Variants in CLEC20A observed in about 807,000 individuals in gnomAD.
The protein encoded by CLEC20A is putative C-type lectin domain family 20 member A.
intron 1 of CLEC20A, among the ~76,000 whole-genome samples, chr1:178,495,133 C>T (rs1198435077): frequency 1.3e-5 from 2 of 152,240 alleles, no homozygotes; most frequent in African/African-American, 4.8e-5. Flanking sequence ...AGGTGCCTTT[C>T]CTACATGCTG....
upstream of CLEC20A, chr1:178,497,192 G>C: frequency 2.6e-6 from 1 of 385,056 alleles, no homozygotes; most frequent in Non-Finnish European, 4.6e-6. Context: ...CCTGTGTGGG[G>C]GTTCAGAAAA....
At chr1:178,492,192 G>A (rs1291730352) in intron 3 of CLEC20A, among the ~76,000 whole-genome samples, 2 of 152,210 alleles carry the variant, frequency 1.3e-5, no homozygotes, top group African/African-American at 4.8e-5. Flanking sequence ...GGCTGAGGCA[G>A]GAGGATCAGC....
At chr1:178,498,332 C>T (rs565311594), upstream of CLEC20A, among the ~76,000 whole-genome samples, 22 of 152,220 alleles carry the variant, frequency 1.4e-4, no homozygotes, top group African/African-American at 4.1e-4. Flanking sequence ...TGGCATGCAC[C>T]TATAGCCCCA....
exon 2 of CLEC20A, chr1:178,494,529 G>A: frequency 2.5e-6 from 1 of 399,608 alleles, no homozygotes; most frequent in Non-Finnish European, 4.4e-6. Context: ...CAAGTGTACA[G>A]CGTGGCACAG....
intron 5 of CLEC20A, among the ~76,000 whole-genome samples, chr1:178,485,252 C>G (rs908538288): frequency 1.3e-5 from 2 of 152,218 alleles, no homozygotes; most frequent in African/African-American, 4.8e-5. Context: ...CTGGAAACTA[C>G]AGATCTGAGC....
intron 5 of CLEC20A, among the ~76,000 whole-genome samples, chr1:178,487,234 C>T (rs1019137086): frequency 3.3e-5 from 5 of 152,218 alleles, no homozygotes; most frequent in Non-Finnish European, 7.4e-5. Flanking sequence ...CCCAATAGCG[C>T]GGCCCAGGTG....
chr1:178,493,779 C>G (rs1447051182), intron 2 of CLEC20A: 3 of 152,268 alleles, frequency 2.0e-5, no homozygotes, highest in Non-Finnish European at 2.9e-5. Flanking sequence ...GAGAAGAAGA[C>G]AGTGAATTCT....
rs1354815129 is a variant in CLEC20A, at chr1:178,494,410, C to T, written c.397+44G>A. The stretch of plus-strand genomic sequence containing the variant: ...CTCCAGCCTGGGCAACAGAGTGAGG[C>T]CCCTGGGGGAAAGACCAAGCCTGAA... On this transcript the variant is annotated intron_variant, in intron 2 of 7. Transcript: ENST00000623247. 3 of 399,702 alleles carry T rather than the reference C, an allele frequency of 7.5e-6. No homozygotes were observed. The East Asian group carries it at 1.1e-4, about 14-fold the overall frequency. The allele number at this position is 399,702 out of a possible 1,614,324, so 24.8% of individuals were successfully genotyped here. A position where few individuals can be genotyped will look rare whatever the true frequency, so the allele number is the denominator to read the frequency against.
At chr1:178,494,626 T>G (rs1649342670) in exon 2 of CLEC20A, 1 of 399,260 alleles carries the variant, frequency 2.5e-6, no homozygotes, top group Admixed American at 4.4e-5. Context: ...CAGAAGTGCT[T>G]GCGTCGAAGA....
At position 178,479,465 on chromosome 1, in the gene CLEC20A, A is replaced by T. The variant is rs553994912; in HGVS notation, c.*70T>A. ...TCCTAATCTTGTTCTACTAGGGATT[A>T]AAAAATTAAAATTTACTCAAAATCC... On this transcript the variant is annotated 3_prime_UTR_variant, in exon 8 of 8. Transcript: ENST00000623247. The T allele has an allele frequency of 4.3e-4, 171 of 397,088 alleles. 1 individual carries two copies. In the South Asian group the frequency reaches 0.02, roughly 47 times the overall value. The allele number at this position is 397,088 out of a possible 1,614,324, so 24.6% of individuals were successfully genotyped here.
intron 3 of CLEC20A, among the ~76,000 whole-genome samples, 162 bp downstream of exon 3, chr1:178,492,339 C>A (rs1649285433): frequency 6.6e-6 from 1 of 151,844 alleles, no homozygotes; most frequent in Admixed American, 6.6e-5. Context: ...GGGGTTCAGC[C>A]AGGGGGCAGC....
intron 3 of CLEC20A, among the ~76,000 whole-genome samples, chr1:178,492,063 C>A (rs1649277056): frequency 6.6e-6 from 1 of 152,066 alleles, no homozygotes; most frequent in Admixed American, 6.5e-5. Flanking sequence ...GCAGGTGGAT[C>A]ACTAGAGCCC....
chr1:178,497,026 G>A (rs769049151), upstream of CLEC20A: 2 of 398,880 alleles, frequency 5.0e-6, no homozygotes, highest in Non-Finnish European at 4.4e-6. Context: ...AAGAGGCTGC[G>A]TCTGACCTTC....
intron 7 of CLEC20A, chr1:178,481,954 C>G (rs2102995802): frequency 5.5e-6 from 1 of 183,298 alleles, no homozygotes; most frequent in Admixed American, 6.2e-5. Context: ...ATTCTTATTT[C>G]AGGAGGAAAC....
chr1:178,479,740 C>T (rs1572153390), intron 7 of CLEC20A, 125 bp from the exon 8 acceptor site: 1 of 392,316 alleles, frequency 2.5e-6, no homozygotes, highest in Non-Finnish European at 4.5e-6. Context: ...TTTAGCCTCC[C>T]TCCAGCTGCC....
At chr1:178,483,331 A>G (rs1209900234) in intron 5 of CLEC20A, 49 bp from the exon 6 acceptor site, 2 of 398,326 alleles carry the variant, frequency 5.0e-6, no homozygotes, top group Non-Finnish European at 8.9e-6. Context: ...ACCAGGAGTA[A>G]GGTGGCCTGA....
downstream of CLEC20A, chr1:178,478,831 ATAAACT>A (rs1648854177): frequency 1.3e-5 from 2 of 152,244 alleles, no homozygotes; most frequent in African/African-American, 4.8e-5. Context: ...AAGAATACAA[ATAAACT>A]TTAACTTTAA....
At chr1:178,482,194 T>G (rs1416697188) in intron 7 of CLEC20A, 118 bp downstream of exon 7, 2 of 396,818 alleles carry the variant, frequency 5.0e-6, no homozygotes, top group African/African-American at 4.1e-5. Context: ...GTGATGGCAG[T>G]GGAACAAGAT....
intron 5 of CLEC20A, 199 bp from the exon 6 acceptor site, chr1:178,483,481 C>CT (rs1201019949): frequency 2.6e-6 from 1 of 383,380 alleles, no homozygotes; most frequent in Non-Finnish European, 4.6e-6. Flanking sequence ...TAACCCAGCA[C>CT]TTGAGTTGCT....
Sources: gnomAD v4.1 joint callset for allele counts (sites outside exome capture counted in the v4.1 genomes callset) on GRCh38, gnomAD v4.1.1 for gene constraint, MANE v1.5 for transcripts, NCBI Gene and HGNC (gene_info 2026-07-23, HGNC 2026-07-21) for gene names.